Variants in PRP4K observed in about 807,000 individuals in gnomAD.
PRP4K encodes the protein pre-mRNA processing factor kinase PRP4K.
At chr6:4,032,695 A>G in the PRP4K span, 5 of 1,602,190 alleles carry the variant, frequency 3.1e-6, no homozygotes, top group South Asian at 4.6e-5. Context: ...AGAAGAGCCA[A>G]GAGCCGATCC....
chr6:4,021,449 G>A, the PRP4K span: 1 of 1,584,888 alleles, frequency 6.3e-7, no homozygotes, highest in African/African-American at 1.3e-5. Flanking sequence ...AGACCCAGTC[G>A]CTACGGGAGC....
the PRP4K span, among the ~76,000 whole-genome samples, chr6:4,026,093 C>T: frequency 6.6e-6 from 1 of 152,184 alleles, no homozygotes; most frequent in South Asian, 2.1e-4. Flanking sequence ...CCTCCGCCTC[C>T]TGGGTTCAAG....
At chr6:4,037,240 A>G in the PRP4K span, among the ~76,000 whole-genome samples, 3 of 152,212 alleles carry the variant, frequency 2.0e-5, no homozygotes, top group African/African-American at 7.2e-5. Context: ...CCAAAATATC[A>G]CTGTAGTCAC....
At chr6:4,054,881 CTT>C in the PRP4K span, among the ~76,000 whole-genome samples, 1 of 152,198 alleles carries the variant, frequency 6.6e-6, no homozygotes, top group Admixed American at 6.5e-5. Flanking sequence ...CAGTGAGCGT[CTT>C]TGTGACCATT....
chr6:4,064,018 T>G, the PRP4K span: 1 of 152,158 alleles, frequency 6.6e-6, no homozygotes, highest in African/African-American at 2.4e-5. Context: ...ATAGACATTT[T>G]TTACACTCTG....
At chr6:4,038,787 T>G in the PRP4K span, among the ~76,000 whole-genome samples, 1 of 152,092 alleles carries the variant, frequency 6.6e-6, no homozygotes, top group Admixed American at 6.6e-5. Flanking sequence ...CTTCCCTTTT[T>G]ATAAAAAATG....
At chr6:4,056,001 A>G in the PRP4K span, among the ~76,000 whole-genome samples, 1 of 152,180 alleles carries the variant, frequency 6.6e-6, no homozygotes, top group East Asian at 1.9e-4. Context: ...GTCTTTTTAG[A>G]AGATGCTTTG....
the PRP4K span, among the ~76,000 whole-genome samples, chr6:4,051,776 A>G: frequency 1.3e-5 from 2 of 152,212 alleles, no homozygotes; most frequent in African/African-American, 4.8e-5. Context: ...GACTAACTAT[A>G]AAGTGTTATG....
At chr6:4,037,662 T>C in the PRP4K span, 1 of 1,263,952 alleles carries the variant, frequency 7.9e-7, no homozygotes, top group Non-Finnish European at 1.1e-6. Context: ...TAGACCAGTT[T>C]TCTCTGAAAA....
the PRP4K span, among the ~76,000 whole-genome samples, chr6:4,035,121 T>C: frequency 3.3e-5 from 5 of 151,588 alleles, no homozygotes; most frequent in Non-Finnish European, 4.4e-5. Flanking sequence ...TGTTTTGTTT[T>C]GTTTTGTTTT....
the PRP4K span, chr6:4,042,633 G>A: frequency 7.8e-7 from 1 of 1,278,710 alleles, no homozygotes. Context: ...TAACAAAAAT[G>A]TAGCATTAAT....
chr6:4,047,621 T>G, the PRP4K span, among the ~76,000 whole-genome samples: 25 of 152,266 alleles, frequency 1.6e-4, 1 homozygote, highest in South Asian at 5.2e-3. Flanking sequence ...CTATATTATA[T>G]TAGTAGGTGA....
the PRP4K span, among the ~76,000 whole-genome samples, chr6:4,026,653 T>A: frequency 6.6e-6 from 1 of 152,196 alleles, no homozygotes. Flanking sequence ...ACTGAGCACC[T>A]GCTATAGATT....
the PRP4K span, chr6:4,060,405 AT>A: frequency 1.2e-6 from 2 of 1,610,514 alleles, no homozygotes; most frequent in Non-Finnish European, 8.5e-7. This position sits in a 1 kb window ranked among gnomAD's most constrained non-coding sequence, Gnocchi z 4.7. Context: ...TTTAAAAATT[AT>A]TTTTAGGAGA....
At chr6:4,049,394 C>T in the PRP4K span, 5 of 458,948 alleles carry the variant, frequency 1.1e-5, no homozygotes, top group Non-Finnish European at 1.9e-5. Flanking sequence ...GTCACTTACT[C>T]GTCTTGATCT....
At chr6:4,042,284 G>C in the PRP4K span, among the ~76,000 whole-genome samples, 6 of 152,180 alleles carry the variant, frequency 3.9e-5, no homozygotes, top group Non-Finnish European at 7.3e-5. Flanking sequence ...TGAAATAGAT[G>C]AGAAGAAAAC....
the PRP4K span, chr6:4,032,668 G>C: frequency 6.2e-7 from 1 of 1,613,736 alleles, no homozygotes; most frequent in Non-Finnish European, 8.5e-7. Flanking sequence ...TCCCCCTCGC[G>C]GACACTGTCT....
chr6:4,040,813 C>T, the PRP4K span: 2 of 1,613,916 alleles, frequency 1.2e-6, no homozygotes, highest in Non-Finnish European at 1.7e-6. Flanking sequence ...CGAAGGCGGT[C>T]TCGATCACGC....
the PRP4K span, chr6:4,051,843 C>T: frequency 1.6e-6 from 1 of 639,334 alleles, no homozygotes; most frequent in Non-Finnish European, 2.5e-6. Flanking sequence ...TAAAAATATA[C>T]AGACTTCTCC....
Sources: gnomAD v4.1 joint callset for allele counts (sites outside exome capture counted in the v4.1 genomes callset) on GRCh38, gnomAD v4.1.1 for gene constraint, Gnocchi (gnomAD v3.1) non-coding constraint, MANE v1.5 for transcripts, NCBI Gene and HGNC (gene_info 2026-07-23, HGNC 2026-07-21) for gene names.